The following GRIA3 variants were observed in gnomAD, a reference collection of about 807,000 sequenced individuals.
GRIA3 encodes glutamate receptor 3.
In GRIA3, 3 loss-of-function variants were observed where a neutral mutation model predicts 63.0. The ratio of observed to expected loss-of-function variants is 0.05; its 90% CI spans 0.02 to 0.12. The LOEUF (loss-of-function observed/expected upper bound fraction) is 0.12, where lower values mean the gene tolerates loss of function less well. GRIA3 is among the 10% of genes least tolerant of loss of function. GRIA3 has a pLI of 1.00. For missense variants in GRIA3, 347 were observed against 700.9 expected, an observed-to-expected ratio of 0.50 and a Z score of 5.70; for synonymous variants, 274 against 257.9, an observed-to-expected ratio of 1.06 and a Z score of -0.60.
chrX:123,256,532 C>CA (rs1210488694), intron 3 of GRIA3, among the ~76,000 whole-genome samples: 1 of 111,244 alleles, frequency 9.0e-6, no homozygotes, highest in Non-Finnish European at 1.9e-5. Context: ...GTAGAAATAG[C>CA]AAGTGCAAAG....
rs553303295 is a variant in GRIA3 at position 123,192,651 on chromosome X, G to A, written c.268+6661G>A. Among the ~76,000 whole-genome samples the A allele has an allele frequency of 9.0e-4, 100 of 111,584 alleles. 1 individual carries two copies. The South Asian group carries it at 0.037, about 42-fold the overall frequency. On this transcript the variant is annotated intron_variant, in intron 2 of 15. Transcript: ENST00000620443. ...CCTCCCTGTTCCTCAATTCCCAACC[G>A]TCACTGGCTTCTTAAGCAATTATCC...
Position 123,345,475 on chromosome X carries a change from C to CAT in GRIA3, c.697-9434_697-9433insTA, listed in dbSNP as rs1188085481. Among the ~76,000 whole-genome samples, 221 of 108,357 alleles carry CAT rather than the reference C, an allele frequency of 2.0e-3. 1 individual carries two copies. Among genetic ancestry groups the CAT allele is most frequent in the African/African-American group, 6.9e-3 (206 of 29,683 alleles). The allele number at this position is 108,357 out of a possible 115,157, so 94.1% of individuals were successfully genotyped here. Reference sequence around the variant, plus strand: ...ACACACACACACACACACACACACACACACACACACACACACACACCTCCT... The same window carrying CAT: ...ACACACACACACACACACACACACACATACACACACACACACACACACCTCCT... On this transcript the variant is annotated intron_variant, in intron 4 of 15. Coordinates refer to ENST00000620443, the MANE Select transcript of GRIA3 (RefSeq NM_007325.5).
intron 2 of GRIA3, among the ~76,000 whole-genome samples, chrX:123,230,048 G>T (rs1231694516): frequency 9.0e-6 from 1 of 110,998 alleles, no homozygotes; most frequent in East Asian, 2.9e-4. Flanking sequence ...TGGGGAGGAG[G>T]AAGAAAAAAA....
chrX:123,287,705 C>G (rs1315595882), intron 3 of GRIA3, among the ~76,000 whole-genome samples: 1 of 111,738 alleles, frequency 8.9e-6, no homozygotes, highest in Non-Finnish European at 1.9e-5. Context: ...ATACAACTTA[C>G]AAGGGATGTG....
intron 11 of GRIA3, 98 bp from the exon 12 acceptor site, chrX:123,427,843 T>C: frequency 1.6e-6 from 1 of 613,039 alleles, no homozygotes; most frequent in Non-Finnish European, 2.8e-6. Flanking sequence ...TCATCAGCTA[T>C]ACTGAAACCA....
chrX:123,409,792 G>T (rs1157454921), intron 10 of GRIA3, among the ~76,000 whole-genome samples: 1 of 111,552 alleles, frequency 9.0e-6, no homozygotes, highest in Non-Finnish European at 1.9e-5. Context: ...TGCCCCTCAG[G>T]TAATCAGGAA....
chrX:123,300,154 G>A (rs747442127), intron 3 of GRIA3, among the ~76,000 whole-genome samples: 3 of 109,923 alleles, frequency 2.7e-5, no homozygotes, highest in South Asian at 3.8e-4. Flanking sequence ...GATTTTGCAC[G>A]TATGTTCATC....
chrX:123,278,792 T>A (rs1441594584), intron 3 of GRIA3, among the ~76,000 whole-genome samples: 2 of 112,090 alleles, frequency 1.8e-5, no homozygotes, highest in Non-Finnish European at 3.8e-5. Flanking sequence ...ATGTGTCCAT[T>A]TTTATGCCAG....
At chrX:123,228,283 G>A (rs1259967003) in intron 2 of GRIA3, among the ~76,000 whole-genome samples, 2 of 111,538 alleles carry the variant, frequency 1.8e-5, no homozygotes, top group Admixed American at 1.9e-4. Context: ...GGGACCTAGA[G>A]ATCACAGACA....
chrX:123,201,488 A>G (rs1927739298), intron 2 of GRIA3, among the ~76,000 whole-genome samples: 2 of 111,356 alleles, frequency 1.8e-5, no homozygotes, highest in Non-Finnish European at 3.8e-5. Flanking sequence ...AATTCCTTGT[A>G]TTGGAAATAT....
intron 10 of GRIA3, among the ~76,000 whole-genome samples, chrX:123,411,406 T>A (rs2045505475): frequency 2.7e-5 from 3 of 111,972 alleles, no homozygotes; most frequent in Non-Finnish European, 5.6e-5. Context: ...AAGTTTTGTA[T>A]CAGATAATCA....
At chrX:123,319,589 A>G (rs2044854586) in intron 3 of GRIA3, among the ~76,000 whole-genome samples, 1 of 111,804 alleles carries the variant, frequency 8.9e-6, no homozygotes, top group Non-Finnish European at 1.9e-5. Flanking sequence ...AAAAGGAAAG[A>G]TATTTGTAAA....
chrX:123,247,459 G>A (rs1226851483), intron 2 of GRIA3, among the ~76,000 whole-genome samples: 1 of 111,370 alleles, frequency 9.0e-6, no homozygotes, highest in Non-Finnish European at 1.9e-5. Flanking sequence ...CAGCTGGGGA[G>A]CTACACTAGA....
At chrX:123,204,249 G>A (rs1927822591) in intron 2 of GRIA3, 1 of 497,167 alleles carries the variant, frequency 2.0e-6, no homozygotes, top group Non-Finnish European at 3.6e-6. Context: ...ACACTACTTA[G>A]ATGAGTGCTA....
rs899428699 is a variant in GRIA3, at chrX:123,434,083, T to C, written c.2076+5944T>C. On this transcript the variant is annotated intron_variant, in intron 12 of 15. Transcript: ENST00000620443. Reference sequence around the variant, plus strand: ...TATTGGCTATCTATAACAGGGCTTTTGAAGTATATGCAGGAAGGGAGAAAA... The same window carrying C: ...TATTGGCTATCTATAACAGGGCTTTCGAAGTATATGCAGGAAGGGAGAAAA... 6.3e-5 allele frequency among the ~76,000 whole-genome samples: 7 copies of C among 111,688 alleles called. No individual in the cohort carries two copies. In the Admixed American group the frequency reaches 6.7e-4, roughly 11 times the overall value.
rs188640198 is a variant in GRIA3 at position 123,414,133 on chromosome X, G to A, written c.1501-3269G>A. On this transcript the variant is annotated intron_variant, in intron 10 of 15. Transcript: ENST00000620443. ...AGAAAGTGGTGTTGATATCAAGACA[G>A]TAAAGCTGTCTTTTTTCAATAATAC... Among the ~76,000 whole-genome samples the A allele has an allele frequency of 9.8e-5, 11 of 112,129 alleles. No homozygotes were observed. The East Asian group carries it at 3.1e-3, about 31-fold the overall frequency.
chrX:123,190,391 A>C (rs1470801991), intron 2 of GRIA3, among the ~76,000 whole-genome samples: 1 of 111,099 alleles, frequency 9.0e-6, no homozygotes, highest in Non-Finnish European at 1.9e-5. Context: ...TAGTGGTGCC[A>C]GTCAAAAAAT....
rs10528905 is a variant in GRIA3, at chrX:123,396,199, AAAT to A, written c.912+1104_912+1106del. Among the ~76,000 whole-genome samples the A allele has an allele frequency of 9.7e-4, 83 of 85,961 alleles. 1 individual carries two copies. The highest frequency in any genetic ancestry group is 3.9e-3 in the Admixed American group (28 of 7,264). The allele number at this position is 85,961 out of a possible 115,157, so 74.6% of individuals were successfully genotyped here. On this transcript the variant is annotated intron_variant, in intron 6 of 15. Transcript: ENST00000620443. ...CCAGCCTGGGCTGGACTCCATCTCA[AAAT>A]AATAATAATAATAATAATAATAATA...
At chrX:123,403,119 T>C (rs2045451876) in intron 8 of GRIA3, 21 bp downstream of exon 8, 1 of 851,355 alleles carries the variant, frequency 1.2e-6, no homozygotes, top group Non-Finnish European at 1.8e-6. Flanking sequence ...AAAACAGACA[T>C]TTAAAGAAAA....
Sources: gnomAD v4.1 joint callset for allele counts (sites outside exome capture counted in the v4.1 genomes callset) on GRCh38, gnomAD v4.1.1 for gene constraint, MANE v1.5 for transcripts, NCBI Gene and HGNC (gene_info 2026-07-23, HGNC 2026-07-21) for gene names.